PIAS3: variants seen among roughly 807,000 people sequenced by gnomAD.
PIAS3 encodes protein inhibitor of activated STAT 3, also known as E3 SUMO-protein ligase PIAS3.
Under a neutral mutation model 67.6 loss-of-function variants are expected in PIAS3, and 34 were observed. The observed-to-expected ratio is 0.50, with a 90% CI of 0.38 to 0.67. The LOEUF (loss-of-function observed/expected upper bound fraction) is 0.67, where lower values mean the gene tolerates loss of function less well. PIAS3 is among the 30% of genes least tolerant of loss of function. The pLI is 0.00. For missense variants in PIAS3, 693 were observed against 791.6 expected (o/e 0.88, Z 1.49); for synonymous variants, 341 against 313.8 (o/e 1.09, Z -0.92).
chr1:145,855,356 C>T (rs1327889200), intron 5 of PIAS3, among the ~76,000 whole-genome samples: 1 of 152,018 alleles, frequency 6.6e-6, no homozygotes, highest in Non-Finnish European at 1.5e-5. Flanking sequence ...GTGGTGGGCA[C>T]CTGTAATCCC....
chr1:145,855,051 C>T (rs1653111533), intron 5 of PIAS3, among the ~76,000 whole-genome samples, 171 bp from the exon 6 acceptor site: 1 of 152,168 alleles, frequency 6.6e-6, no homozygotes. Flanking sequence ...AACTGGAGCA[C>T]TGTCTAGGGT....
chr1:145,855,476 T>C (rs587675984), intron 5 of PIAS3, among the ~76,000 whole-genome samples: 1 of 148,314 alleles, frequency 6.7e-6, no homozygotes, highest in South Asian at 2.2e-4. Flanking sequence ...AGCGAGTGAC[T>C]CTGTCTCAAA....
chr1:145,853,451 A>C, intron 9 of PIAS3, 53 bp downstream of exon 9: 1 of 1,311,026 alleles, frequency 7.6e-7, no homozygotes, highest in South Asian at 1.4e-5. Context: ...GAAATAACCA[A>C]GAAAAGAGGT....
chr1:145,853,858 G>A lies in PIAS3; in HGVS notation c.939C>T (p.Asp313=). 1 of 1,614,084 alleles carries A rather than the reference G, an allele frequency of 6.2e-7. No homozygotes were observed. ...GGAGACTTGTAGTGGCCACCTCACT[G>A]TCAGGGTCAGCAGTCAATTTCTCCT... ...LIKEKLTADP[D]SEVATTSLRV... The change falls in exon 8 of 14, where the codon GAC becomes GAT. Residue 313 remains aspartate, a synonymous_variant. Transcript: ENST00000393045.
intron 9 of PIAS3, among the ~76,000 whole-genome samples, chr1:145,851,826 G>A (rs1217023319): frequency 2.0e-5 from 3 of 151,830 alleles, no homozygotes; most frequent in Non-Finnish European, 4.4e-5. Flanking sequence ...GGCGGCACAT[G>A]CCTGTAATCC....
In PIAS3 at chr1:145,849,608, G is replaced by A; in HGVS notation, c.1725C>T (p.Pro575=). The change falls in exon 14 of 14, where the codon CCC becomes CCT. Residue 575 remains proline, a synonymous_variant. Coordinates refer to ENST00000393045, the MANE Select transcript of PIAS3 (RefSeq NM_006099.3). The part of the protein sequence containing the change: ...TPSHFLGPLA[P]TLGSSHCSAT... The stretch of plus-strand genomic sequence containing the variant: ...CGCTGCAGTGGGAGCTCCCCAGCGT[G>A]GGGGCCAGTGGGCCCAGAAAGTGAG... The A allele has an allele frequency of 2.5e-6, 4 of 1,613,340 alleles. No homozygotes were observed. The highest frequency in any genetic ancestry group is 2.2e-5 in the East Asian group (1 of 44,794).
intron 7 of PIAS3, 157 bp from the exon 8 acceptor site, chr1:145,854,043 G>C (rs1559163948): frequency 3.2e-6 from 2 of 626,272 alleles, no homozygotes. Flanking sequence ...CTGGGATATG[G>C]ATGATGAAGG....
chr1:145,852,005 G>C (rs1411381266), intron 9 of PIAS3, among the ~76,000 whole-genome samples: 9 of 151,396 alleles, frequency 5.9e-5, no homozygotes, highest in African/African-American at 2.2e-4. Flanking sequence ...GTAGTATAAG[G>C]AACAAAAGGA....
At chr1:145,850,046 G>A (rs782228094) in intron 13 of PIAS3, 186 bp downstream of exon 13, 271 of 1,450,910 alleles carry the variant, frequency 1.9e-4, no homozygotes, top group Non-Finnish European at 2.3e-4. Context: ...ATCTAGGAAG[G>A]AGGCCTAAGT....
Position 145,853,667 on chromosome 1 carries a change from G to C in PIAS3, c.985-3C>G, listed in dbSNP as rs587739474. ...ACAGTCAGGCGCATCTTCCCTAGCT[G>C]AGGAGAAGCAAGTTCTCTTGTCAGA... is the stretch of plus-strand genomic sequence containing the variant. On this transcript the variant is annotated splice_polypyrimidine_tract_variant and splice_region_variant and intron_variant, in intron 8 of 13. Coordinates refer to ENST00000393045, the MANE Select transcript of PIAS3 (RefSeq NM_006099.3). 6.2e-7 allele frequency: 1 copy of C among 1,613,402 alleles called. No homozygotes were observed. The highest frequency in any genetic ancestry group is 8.5e-7 in the Non-Finnish European group (1 of 1,179,632).
intron 7 of PIAS3, 181 bp from the exon 8 acceptor site, chr1:145,854,067 A>T: frequency 1.6e-6 from 1 of 608,472 alleles, no homozygotes. Flanking sequence ...GGTGTGGGGG[A>T]TTTTCCCATC....
chr1:145,858,852 T>A, intron 1 of PIAS3, 115 bp downstream of exon 1: 2 of 935,830 alleles, frequency 2.1e-6, no homozygotes, highest in Non-Finnish European at 3.0e-6. Context: ...CAGCAGCTCG[T>A]GCCTGCCACG....
At chr1:145,854,214 C>T in intron 7 of PIAS3, 1 of 597,344 alleles carries the variant, frequency 1.7e-6, no homozygotes, top group Non-Finnish European at 3.0e-6. Flanking sequence ...TCTAGCAGGG[C>T]TGGAGTTAGG....
chr1:145,856,827 C>G lies in PIAS3; in HGVS notation c.204G>C (p.Lys68Asn). ...KELYRRRFPR[K>N]TLGPSDLSLL... ...GGGAGAGATCAGAGGGCCCCAGGGTCTTCCGGGGAAAGCGTCGTCGGTAAA... is the reference window on the plus strand; with the variant it reads ...GGGAGAGATCAGAGGGCCCCAGGGTGTTCCGGGGAAAGCGTCGTCGGTAAA... The change falls in exon 2 of 14, where the codon AAG becomes AAC. Residue 68 changes from lysine to asparagine, a missense_variant. Transcript: ENST00000393045. 6.2e-7 allele frequency: 1 copy of G among 1,614,102 alleles called. No individual in the cohort carries two copies.
At chr1:145,849,918 T>A in intron 13 of PIAS3, 1 of 1,432,362 alleles carries the variant, frequency 7.0e-7, no homozygotes, top group Non-Finnish European at 9.1e-7. Flanking sequence ...TCCAACTTGT[T>A]AGGTTCTTGG....
chr1:145,857,050 G>A (rs782147315), intron 1 of PIAS3, 44 bp from the exon 2 acceptor site: 1 of 1,562,396 alleles, frequency 6.4e-7, no homozygotes, highest in Non-Finnish European at 8.8e-7. Context: ...CCCTTGCACA[G>A]GCCTGCCCTG....
intron 9 of PIAS3, among the ~76,000 whole-genome samples, chr1:145,851,672 A>T (rs1289106327): frequency 6.7e-6 from 1 of 150,030 alleles, no homozygotes; most frequent in Non-Finnish European, 1.5e-5. Context: ...AAAAAAAAAA[A>T]AAAAGCCGGC....
At position 145,850,858 on chromosome 1, in the gene PIAS3, C is replaced by A. The variant is rs1553734147; in HGVS notation, c.1361G>T (p.Ser454Ile). 6.2e-7 allele frequency: 1 copy of A among 1,614,202 alleles called. No individual in the cohort carries two copies. The highest frequency in any genetic ancestry group is 8.5e-7 in the Non-Finnish European group (1 of 1,180,006). Reference protein sequence around the residue: ...KVEVIDLTIESSSDEEDLPPT... With the variant: ...KVEVIDLTIEISSDEEDLPPT... ...GGGCAGATCCTCCTCATCTGATGAG[C>A]TTTCTATTGTCAAGTCAATAACTTC... The change falls in exon 11 of 14, where the codon AGC becomes ATC. Residue 454 changes from serine (S) to isoleucine (I), a missense_variant. Ser to Ile is a moderately radical substitution (Grantham distance 142). Around this residue, in one of 3 missense-constraint regions of PIAS3, gnomAD observed 270 missense variants for 261.0 expected, o/e 1.03. Transcript: ENST00000393045.
chr1:145,858,809 C>A (rs1448607977), intron 1 of PIAS3, among the ~76,000 whole-genome samples, 158 bp downstream of exon 1: 1 of 151,742 alleles, frequency 6.6e-6, no homozygotes, highest in Non-Finnish European at 1.5e-5. Context: ...GCCGCAGCCC[C>A]TTCCTCGCTC....
Sources: allele counts gnomAD v4.1 joint callset (sites outside exome capture counted in the v4.1 genomes callset), GRCh38; gene constraint gnomAD v4.1.1; regional missense constraint gnomAD v4.1.1; transcripts MANE v1.5; gene names NCBI Gene and HGNC (gene_info 2026-07-23, HGNC 2026-07-21).